Variants in TSHR observed in about 807,000 individuals in gnomAD.
The protein encoded by TSHR is thyrotropin receptor.
TSHR carries 51 observed loss-of-function variants against 64.1 expected under a neutral mutation model. The observed-to-expected ratio is 0.80, with a 90% CI of 0.64 to 1.01. TSHR has a LOEUF of 1.01. Among genes scored for constraint, TSHR ranks in the 50% least tolerant of loss-of-function variants. TSHR has a pLI of 0.00. For missense variants in TSHR, 877 were observed against 942.8 expected, an observed-to-expected ratio of 0.93 and a Z score of 0.91; for synonymous variants, 361 against 361.9, an observed-to-expected ratio of 1.00 and a Z score of 0.03.
At chr14:81,056,578 C>A (rs1188568001) in intron 1 of TSHR, among the ~76,000 whole-genome samples, 1 of 151,894 alleles carries the variant, frequency 6.6e-6, no homozygotes, top group Admixed American at 6.6e-5. Flanking sequence ...GAAATGAAAC[C>A]AAATTTAATA....
chr14:81,053,789 A>T (rs988324756), intron 1 of TSHR: 3 of 152,236 alleles, frequency 2.0e-5, no homozygotes, highest in African/African-American at 4.8e-5. Context: ...TTTCTTCATA[A>T]TAGCCCCAAA....
In TSHR at chr14:80,955,954, G is replaced by T; in HGVS notation, c.170+104G>T. The T allele has an allele frequency of 2.9e-6, 4 of 1,378,294 alleles. No homozygotes were observed. In the South Asian group the frequency reaches 4.7e-5, roughly 16 times the overall value. 85.4% of individuals were successfully genotyped at this position (1,378,294 alleles called of 1,614,324 possible). On this transcript the variant is annotated intron_variant, in intron 1 of 9. Transcript: ENST00000298171. Reference sequence around the variant, plus strand: ...GCTCAATAACAGCCCGAAGTAGTGTGTGAGTGTGTGTATGTGTGAGTGAAT... The same window carrying T: ...GCTCAATAACAGCCCGAAGTAGTGTTTGAGTGTGTGTATGTGTGAGTGAAT...
At chr14:81,033,947 G>T (rs1466689306) in intron 1 of TSHR, among the ~76,000 whole-genome samples, 1 of 152,186 alleles carries the variant, frequency 6.6e-6, no homozygotes, top group Non-Finnish European at 1.5e-5. Flanking sequence ...TAAAGGTTGT[G>T]CATATGCCTG....
At position 81,143,209 on chromosome 14, in the gene TSHR, A is replaced by C; in HGVS notation, c.1151A>C (p.His384Pro). Reference protein sequence around the residue: ...QEETLQAFDSHYDYTICGDSE... With the variant: ...QEETLQAFDSPYDYTICGDSE... ...GAGACTCTACAAGCTTTTGACAGCC[A>C]TTATGACTACACCATATGTGGGGAC... The change falls in exon 10 of 10, where the codon CAT (histidine) becomes CCT (proline). Residue 384 changes from histidine to proline, a missense_variant. Transcript: ENST00000298171. 1.2e-6 allele frequency: 2 copies of C among 1,614,218 alleles called. No individual in the cohort carries two copies. The highest frequency in any genetic ancestry group is 1.7e-6 in the Non-Finnish European group (2 of 1,180,030).
chr14:81,002,473 A>G (rs1307414853), intron 1 of TSHR, among the ~76,000 whole-genome samples: 5 of 152,172 alleles, frequency 3.3e-5, no homozygotes, highest in Non-Finnish European at 5.9e-5. Context: ...GATTTAATTG[A>G]GTTAATCTAT....
intron 2 of TSHR, among the ~76,000 whole-genome samples, chr14:81,062,584 C>T (rs986393119): frequency 6.6e-6 from 1 of 152,060 alleles, no homozygotes. Flanking sequence ...ATCCATCTGT[C>T]CTAGTCACCA....
At chr14:81,114,326 T>C (rs4903970) in intron 8 of TSHR, among the ~76,000 whole-genome samples, 139,110 of 152,170 alleles carry the variant, frequency 0.91, 63,732 homozygotes, top group East Asian at 1. Flanking sequence ...GTGCGTGCAC[T>C]GTGCGCGAGC....
intron 1 of TSHR, among the ~76,000 whole-genome samples, chr14:81,034,485 GC>G (rs763596177): frequency 4.5e-4 from 69 of 152,304 alleles, no homozygotes; most frequent in Middle Eastern, 3.4e-3. Flanking sequence ...TTTCTGAAGG[GC>G]CCTGCTGTTT....
chr14:80,982,401 T>C, intron 1 of TSHR: 1 of 1,244,516 alleles, frequency 8.0e-7, no homozygotes. Context: ...CTAAGAATGA[T>C]AAACCTGAAA....
intron 8 of TSHR, among the ~76,000 whole-genome samples, chr14:81,115,028 G>T (rs1275869336): frequency 6.6e-6 from 1 of 152,128 alleles, no homozygotes; most frequent in Non-Finnish European, 1.5e-5. Flanking sequence ...AAACCCGTCT[G>T]TACATCACCA....
intron 1 of TSHR, among the ~76,000 whole-genome samples, chr14:80,990,971 A>T (rs1420157550): frequency 6.6e-6 from 1 of 152,220 alleles, no homozygotes; most frequent in Non-Finnish European, 1.5e-5. Context: ...GATAATTTTT[A>T]AATGTTTTGT....
chr14:81,126,288 C>A (rs757274416), intron 8 of TSHR, among the ~76,000 whole-genome samples: 1 of 152,098 alleles, frequency 6.6e-6, no homozygotes, highest in Non-Finnish European at 1.5e-5. Context: ...TCATACAAAC[C>A]TTTGTAGCTC....
At chr14:81,003,446 A>G (rs1311064141) in intron 1 of TSHR, 3 of 187,930 alleles carry the variant, frequency 1.6e-5, no homozygotes, top group East Asian at 1.3e-4. Context: ...GGCACTACCA[A>G]TTCCCCCATT....
At chr14:81,024,980 A>G (rs1566768624) in intron 1 of TSHR, among the ~76,000 whole-genome samples, 1 of 152,242 alleles carries the variant, frequency 6.6e-6, no homozygotes, top group Non-Finnish European at 1.5e-5. Flanking sequence ...TTATACAGAG[A>G]TAATTAGTGA....
chr14:80,990,243 TGGA>T (rs1487609649), intron 1 of TSHR, among the ~76,000 whole-genome samples: 1 of 152,218 alleles, frequency 6.6e-6, no homozygotes, highest in East Asian at 1.9e-4. Context: ...CCAGCGAACC[TGGA>T]AACCCAGCAG....
At chr14:81,119,879 G>A (rs1890711441) in intron 8 of TSHR, among the ~76,000 whole-genome samples, 1 of 90,408 alleles carries the variant, frequency 1.1e-5, no homozygotes, top group Non-Finnish European at 2.1e-5. Flanking sequence ...GTCCCTTGTA[G>A]GGACATGGAT....
intron 1 of TSHR, among the ~76,000 whole-genome samples, chr14:81,054,088 G>A (rs1223906716): frequency 6.6e-6 from 1 of 152,232 alleles, no homozygotes; most frequent in East Asian, 1.9e-4. Flanking sequence ...CCCACATGTT[G>A]TGGGAGGGAC....
In TSHR at chr14:81,144,359, C is replaced by T. The variant is rs1451699148; in HGVS notation, c.*6C>T. ...ATATGCAAACGGTTTTGTAAGTTAA[C>T]ACTACACTACTCACAATGGTAGGGG... On this transcript the variant is annotated 3_prime_UTR_variant, in exon 10 of 10. Coordinates refer to ENST00000298171, the MANE Select transcript of TSHR (RefSeq NM_000369.5). 6.2e-7 allele frequency: 1 copy of T among 1,613,640 alleles called. No homozygotes were observed. Among genetic ancestry groups the T allele is most frequent in the South Asian group, 1.1e-5 (1 of 91,068 alleles).
At chr14:80,997,478 G>T (rs953547957) in intron 1 of TSHR, among the ~76,000 whole-genome samples, 12 of 152,114 alleles carry the variant, frequency 7.9e-5, no homozygotes, top group African/African-American at 2.7e-4. Flanking sequence ...ATGGATTTGG[G>T]ATTAAATGGG....
Sources: allele counts gnomAD v4.1 joint callset (sites outside exome capture counted in the v4.1 genomes callset), GRCh38; gene constraint gnomAD v4.1.1; transcripts MANE v1.5; gene names NCBI Gene and HGNC (gene_info 2026-07-23, HGNC 2026-07-21).